The following COG5 variants were observed in gnomAD, a reference collection of about 807,000 sequenced individuals.
The protein encoded by COG5 is conserved oligomeric Golgi complex subunit 5.
Under a neutral mutation model 110.4 loss-of-function variants are expected in COG5, and 86 were observed. The observed-to-expected ratio is 0.78, with a 90% CI of 0.65 to 0.93. The LOEUF is 0.93. Among genes scored for constraint, COG5 ranks in the 40% least tolerant of loss-of-function variants. The pLI, the probability that COG5 is intolerant of heterozygous loss-of-function variation, is 0.00. For missense variants in COG5, 1,077 were observed against 987.0 expected (o/e 1.09, Z -1.22); for synonymous variants, 360 against 334.6 (o/e 1.08, Z -0.83).
At chr7:107,553,132 G>A (rs1803049708) in intron 3 of COG5, among the ~76,000 whole-genome samples, 1 of 152,078 alleles carries the variant, frequency 6.6e-6, no homozygotes, top group South Asian at 2.1e-4. Context: ...CCTAACTGTT[G>A]GGTCCTATGC....
chr7:107,263,647 A>G (rs563346378), intron 14 of COG5, among the ~76,000 whole-genome samples: 1 of 152,340 alleles, frequency 6.6e-6, no homozygotes, highest in African/African-American at 2.4e-5. Context: ...AAAAATTAAA[A>G]TAATTCTTAT....
intron 11 of COG5, among the ~76,000 whole-genome samples, chr7:107,316,657 C>CAAAAAAAA (rs760555445): frequency 7.3e-3 from 553 of 75,878 alleles, no homozygotes; most frequent in Middle Eastern, 0.017. Context: ...ACTAAAAATA[C>CAAAAAAAA]AAAAAAAAAA....
rs548500081 is a variant in COG5 at position 107,366,704 on chromosome 7, T to C, written c.836-4284A>G. 3.9e-5 allele frequency among the ~76,000 whole-genome samples: 6 copies of C among 152,186 alleles called. No homozygotes were observed. The South Asian group carries it at 1.2e-3, about 32-fold the overall frequency. Reference sequence around the variant, plus strand: ...CAGCAGTTGGTAAAGCAACGTCTGATGGTAGATGGGACCCTCCATTTTCCG... The same window carrying C: ...CAGCAGTTGGTAAAGCAACGTCTGACGGTAGATGGGACCCTCCATTTTCCG... On this transcript the variant is annotated intron_variant, in intron 8 of 21. Transcript: ENST00000297135.
At chr7:107,441,156 G>T (rs1253321806) in intron 6 of COG5, among the ~76,000 whole-genome samples, 1 of 150,452 alleles carries the variant, frequency 6.6e-6, no homozygotes, top group Non-Finnish European at 1.5e-5. Context: ...TCAGGAGGCT[G>T]AGGCAGGAGA....
chr7:107,358,586 G>C (rs556960544), intron 10 of COG5, among the ~76,000 whole-genome samples: 1 of 152,274 alleles, frequency 6.6e-6, no homozygotes, highest in Non-Finnish European at 1.5e-5. Flanking sequence ...CTAGCATCTA[G>C]GAACTCAGAT....
chr7:107,549,567 T>G (rs560035197), intron 3 of COG5, among the ~76,000 whole-genome samples: 3 of 151,258 alleles, frequency 2.0e-5, no homozygotes, highest in Admixed American at 2.0e-4. Flanking sequence ...AATTTTTTTT[T>G]TTTTTTTTGT....
intron 10 of COG5, among the ~76,000 whole-genome samples, chr7:107,355,209 T>C (rs541536547): frequency 6.6e-6 from 1 of 152,274 alleles, no homozygotes; most frequent in Admixed American, 6.5e-5. Context: ...ATTTAAAAAA[T>C]GAGTTACCAT....
intron 11 of COG5, among the ~76,000 whole-genome samples, chr7:107,307,576 T>C (rs1043772632): frequency 1.3e-5 from 2 of 152,210 alleles, no homozygotes; most frequent in Admixed American, 1.3e-4. Context: ...ATTTCACTCA[T>C]AATCACAAGT....
chr7:107,298,339 C>T lies in COG5; in HGVS notation c.1116G>A (p.Met372Ile). The T allele has an allele frequency of 6.2e-7, 1 of 1,612,524 alleles. No individual in the cohort carries two copies. The highest frequency in any genetic ancestry group is 8.5e-7 in the Non-Finnish European group (1 of 1,178,960). Residue 372 changes from methionine to isoleucine, a missense_variant, in exon 12 of 22, where the codon ATG becomes ATA. Physicochemically the swap from Met to Ile is conservative, Grantham distance 10. Transcript: ENST00000297135. The stretch of plus-strand genomic sequence containing the variant: ...CTCCTTCAAATGCCTGCTTCAAAAA[C>T]ATCGAAGCTGCCAAGCAAAACAAGA... Reference protein sequence around the residue: ...SQFHMATNSSMFLKQAFEGEY... With the variant: ...SQFHMATNSSIFLKQAFEGEY...
chr7:107,209,351 A>G (rs781424272), intron 21 of COG5: 20 of 347,250 alleles, frequency 5.8e-5, no homozygotes, highest in African/African-American at 3.8e-4. Flanking sequence ...GACAGGGAGT[A>G]TAAGAGAATG....
intron 7 of COG5, among the ~76,000 whole-genome samples, chr7:107,378,963 T>C (rs1387378538): frequency 1.3e-5 from 2 of 152,076 alleles, no homozygotes; most frequent in African/African-American, 4.8e-5. Flanking sequence ...CCAAGTCACA[T>C]AGTTGTCAGA....
At chr7:107,277,373 T>C (rs1355863663) in intron 14 of COG5, among the ~76,000 whole-genome samples, 1 of 152,190 alleles carries the variant, frequency 6.6e-6, no homozygotes, top group East Asian at 1.9e-4. Context: ...TTACTCATTA[T>C]ACGTTTCTGC....
chr7:107,269,066 T>G (rs1047295025), intron 14 of COG5, among the ~76,000 whole-genome samples: 1 of 152,140 alleles, frequency 6.6e-6, no homozygotes, highest in Non-Finnish European at 1.5e-5. Context: ...TTCTGTATAT[T>G]TTTCAGCCTT....
At chr7:107,455,230 A>G (rs946595500) in intron 6 of COG5, among the ~76,000 whole-genome samples, 2 of 152,318 alleles carry the variant, frequency 1.3e-5, no homozygotes, top group South Asian at 4.1e-4. Flanking sequence ...AGGAGTGCAA[A>G]CTAGAACAAC....
chr7:107,421,760 C>T (rs370235963), intron 6 of COG5, among the ~76,000 whole-genome samples: 4 of 140,628 alleles, frequency 2.8e-5, no homozygotes, highest in East Asian at 2.0e-4. Context: ...AAGGAGACTC[C>T]GTCTCAAAAA....
At chr7:107,342,195 T>A (rs1261345313) in intron 10 of COG5, among the ~76,000 whole-genome samples, 2 of 151,384 alleles carry the variant, frequency 1.3e-5, no homozygotes, top group African/African-American at 4.9e-5. Flanking sequence ...ATAATCTCAT[T>A]AAAAAGTGGA....
In COG5 at chr7:107,230,713, C is replaced by T. The variant is rs1196570759; in HGVS notation, c.2092-22G>A. 4 of 1,549,234 alleles carry T rather than the reference C, an allele frequency of 2.6e-6. No homozygotes were observed. The Admixed American group carries it at 6.7e-5, about 26-fold the overall frequency. On this transcript the variant is annotated intron_variant, in intron 18 of 21. Coordinates refer to ENST00000297135, the MANE Select transcript of COG5 (RefSeq NM_006348.5). ...CCATCTGAAATATTAAAATATACTC[C>T]ATTGTTGTAATGTCAGAATCATTAG...
At chr7:107,288,994 CATTG>C (rs904196023) in intron 12 of COG5, among the ~76,000 whole-genome samples, 7 of 125,564 alleles carry the variant, frequency 5.6e-5, no homozygotes, top group Admixed American at 9.5e-5. Flanking sequence ...TTAATTTTTA[CATTG>C]ATTGATTGAT....
rs7790812 is a variant in COG5, at chr7:107,324,634, T to C, written c.1027-113A>G. 3,977 of 613,764 alleles carry C rather than the reference T, an allele frequency of 6.5e-3. 121 individuals carry two copies. The highest frequency in any genetic ancestry group is 0.064 in the African/African-American group (3,405 of 53,454). 38.0% of individuals were successfully genotyped at this position (613,764 alleles called of 1,614,324 possible). A position where few individuals can be genotyped will look rare whatever the true frequency, so the allele number is the denominator to read the frequency against. ...TTATTTAAAATTTAAATAAAAATTTTAGACATCTAACCATCAAACAATAGA... is the reference window on the plus strand; with the variant it reads ...TTATTTAAAATTTAAATAAAAATTTCAGACATCTAACCATCAAACAATAGA... On this transcript the variant is annotated intron_variant, in intron 10 of 21. Transcript: ENST00000297135.
Sources: allele counts gnomAD v4.1 joint callset (sites outside exome capture counted in the v4.1 genomes callset), GRCh38; gene constraint gnomAD v4.1.1; transcripts MANE v1.5; gene names NCBI Gene and HGNC (gene_info 2026-07-23, HGNC 2026-07-21).